The following INPP4B variants were observed in gnomAD, a reference collection of about 807,000 sequenced individuals.
INPP4B encodes inositol polyphosphate 4-phosphatase type II.
In INPP4B, 55 loss-of-function variants were observed where a neutral mutation model predicts 122.5. That is an observed-to-expected ratio of 0.45 (90% CI 0.36 to 0.56). The LOEUF (loss-of-function observed/expected upper bound fraction) is 0.56, where lower values mean the gene tolerates loss of function less well. INPP4B is among the 20% of genes least tolerant of loss of function. INPP4B has a pLI of 0.00. For synonymous variants in INPP4B, 403 were observed against 388.7 expected (o/e 1.04, Z -0.43); for missense variants, 1,000 against 1,097.7 (o/e 0.91, Z 1.26).
intron 2 of INPP4B, among the ~76,000 whole-genome samples, chr4:142,554,387 A>T (rs917881317): frequency 2.7e-5 from 4 of 149,482 alleles, no homozygotes; most frequent in African/African-American, 9.8e-5. Flanking sequence ...AAAAAAAAGG[A>T]AAAAAAAGAA....
chr4:142,576,109 G>T (rs552676627), intron 2 of INPP4B, among the ~76,000 whole-genome samples: 6 of 151,990 alleles, frequency 3.9e-5, no homozygotes, highest in African/African-American at 1.4e-4. Context: ...ATCTACCTGG[G>T]GCTGATTCAT....
At chr4:142,251,044 C>T (rs1731756833) in intron 11 of INPP4B, among the ~76,000 whole-genome samples, 1 of 152,158 alleles carries the variant, frequency 6.6e-6, no homozygotes. Flanking sequence ...TTATGCCTTA[C>T]AGAGTTTATG....
chr4:142,791,934 C>A (rs942827178), intron 1 of INPP4B, among the ~76,000 whole-genome samples: 4 of 152,052 alleles, frequency 2.6e-5, no homozygotes, highest in South Asian at 2.1e-4. Context: ...CTGGCACCCA[C>A]GTATGGTTGA....
intron 2 of INPP4B, among the ~76,000 whole-genome samples, chr4:142,540,238 A>T (rs1334208573): frequency 1.3e-5 from 2 of 152,062 alleles, no homozygotes; most frequent in Non-Finnish European, 2.9e-5. Context: ...AATCCAGACC[A>T]AAAAGGAAAA....
chr4:142,670,076 T>C (rs1756766284), intron 2 of INPP4B, among the ~76,000 whole-genome samples: 1 of 152,292 alleles, frequency 6.6e-6, no homozygotes, highest in South Asian at 2.1e-4. Context: ...TCGCATGCTT[T>C]GTATACACAT....
chr4:142,690,749 A>G (rs1043664774), intron 2 of INPP4B, among the ~76,000 whole-genome samples: 2 of 151,996 alleles, frequency 1.3e-5, no homozygotes, highest in Non-Finnish European at 2.9e-5. Flanking sequence ...GACTCCCAAT[A>G]CCCACTTTTC....
chr4:142,501,353 G>A (rs1300120755), intron 2 of INPP4B, among the ~76,000 whole-genome samples: 2 of 152,114 alleles, frequency 1.3e-5, no homozygotes, highest in Non-Finnish European at 2.9e-5. Context: ...AAATTAGAAA[G>A]AGAAATCTGC....
At chr4:142,519,170 G>C (rs1001051767) in intron 2 of INPP4B, among the ~76,000 whole-genome samples, 3 of 152,068 alleles carry the variant, frequency 2.0e-5, no homozygotes, top group Non-Finnish European at 2.9e-5. Context: ...AGGAGCAATA[G>C]GTGGGCGTGT....
intron 2 of INPP4B, among the ~76,000 whole-genome samples, chr4:142,467,572 G>A (rs958897187): frequency 1.3e-5 from 2 of 151,824 alleles, no homozygotes; most frequent in Admixed American, 1.3e-4. Flanking sequence ...AATCTCACAG[G>A]TTCATAGATG....
chr4:142,702,806 T>C (rs1199572009), intron 2 of INPP4B, among the ~76,000 whole-genome samples: 2 of 151,712 alleles, frequency 1.3e-5, no homozygotes, highest in East Asian at 1.9e-4. Context: ...TAAATAAAGA[T>C]TGATTTCTGC....
intron 23 of INPP4B, among the ~76,000 whole-genome samples, chr4:142,105,540 A>C (rs537207728): frequency 6.6e-6 from 1 of 152,310 alleles, no homozygotes; most frequent in Non-Finnish European, 1.5e-5. Context: ...GATGAGAGCC[A>C]CTTGACTGGG....
In INPP4B at chr4:142,112,603, G is replaced by A; in HGVS notation, c.2215C>T (p.Leu739Phe). Residue 739 changes from leucine (L) to phenylalanine (F), a missense_variant, in exon 22 of 26, where the codon CTT (leucine) becomes TTT (phenylalanine). By Grantham distance (22) the Leu-to-Phe change is conservative. Transcript: ENST00000262992. ...TTAAAAAGTACTGGATACACATGAA[G>A]CAACTGTCCTTCTTTAATCTGTAGA... ...LPLQIKEGQL[L>F]HVYPVLFNVG... 2 of 1,613,298 alleles carry A rather than the reference G, an allele frequency of 1.2e-6. No homozygotes were observed. Among genetic ancestry groups the A allele is most frequent in the Non-Finnish European group, 8.5e-7 (1 of 1,179,462 alleles).
intron 2 of INPP4B, among the ~76,000 whole-genome samples, chr4:142,581,200 A>C (rs1401034666): frequency 6.6e-6 from 1 of 152,090 alleles, no homozygotes; most frequent in Non-Finnish European, 1.5e-5. Flanking sequence ...GAAAGGATAT[A>C]AGATCCAGAA....
At chr4:142,094,029 AAC>A (rs1379573254) in intron 23 of INPP4B, among the ~76,000 whole-genome samples, 4 of 152,244 alleles carry the variant, frequency 2.6e-5, no homozygotes, top group Non-Finnish European at 4.4e-5. Context: ...ATACGACGAT[AAC>A]ATATTTTTTT....
chr4:142,077,091 C>T (rs4342262), intron 25 of INPP4B, among the ~76,000 whole-genome samples: 132,247 of 151,964 alleles, frequency 0.87, 59,750 homozygotes, highest in Non-Finnish European at 0.98. Context: ...AAATTACAGG[C>T]GCAACATGTT....
intron 2 of INPP4B, among the ~76,000 whole-genome samples, chr4:142,524,104 G>A (rs1435264943): frequency 1.3e-5 from 2 of 151,698 alleles, no homozygotes; most frequent in East Asian, 1.9e-4. Context: ...TGTGAATAGT[G>A]CCGCAATAAA....
rs1439288586 is a variant in INPP4B at position 142,832,096 on chromosome 4, G to A, written c.-254+14113C>T. Among the ~76,000 whole-genome samples, 4 of 152,122 alleles carry A rather than the reference G, an allele frequency of 2.6e-5. No homozygotes were observed. In the East Asian group the frequency reaches 7.7e-4, roughly 29 times the overall value. ...CTACATTTAGCTGCCAATTTCTACG[G>A]ATGGCTTTAACCAGTGGATTTGATG... On this transcript the variant is annotated intron_variant, in intron 1 of 25. Transcript: ENST00000262992.
rs1183926320 is a variant in INPP4B, at chr4:142,382,624, CT to C, written c.372+20313del. On this transcript the variant is annotated intron_variant, in intron 7 of 25. Transcript: ENST00000262992. Reference sequence around the variant, plus strand: ...TATATATTTATATATTATATATATACTATAAATATATACATTTATATATTAT... The same window carrying C: ...TATATATTTATATATTATATATATACATAAATATATACATTTATATATTAT... 2.7e-5 allele frequency among the ~76,000 whole-genome samples: 3 copies of C among 112,846 alleles called. 1 individual carries two copies. Among genetic ancestry groups the C allele is most frequent in the African/African-American group, 1.2e-4 (3 of 25,452 alleles). 74.0% of individuals were successfully genotyped at this position (112,846 alleles called of 152,430 possible).
intron 3 of INPP4B, among the ~76,000 whole-genome samples, chr4:142,454,625 G>A (rs1201895775): frequency 6.6e-6 from 1 of 152,036 alleles, no homozygotes; most frequent in African/African-American, 2.4e-5. Flanking sequence ...AATTCAACAT[G>A]AGAGAGGTAC....
Sources: allele counts gnomAD v4.1 joint callset (sites outside exome capture counted in the v4.1 genomes callset), GRCh38; gene constraint gnomAD v4.1.1; transcripts MANE v1.5; gene names NCBI Gene and HGNC (gene_info 2026-07-23, HGNC 2026-07-21).